PLEKHG5: variants seen among roughly 807,000 people sequenced by gnomAD.
PLEKHG5 encodes the protein pleckstrin homology domain-containing family G member 5.
Under a neutral mutation model 103.8 loss-of-function variants are expected in PLEKHG5, and 52 were observed. The ratio of observed to expected loss-of-function variants is 0.50; its 90% CI spans 0.40 to 0.63. The LOEUF (loss-of-function observed/expected upper bound fraction) is 0.63. Among genes scored for constraint, PLEKHG5 ranks in the 30% least tolerant of loss-of-function variants. PLEKHG5 has a pLI of 0.00. For missense variants in PLEKHG5, 1,205 were observed against 1,347.6 expected, an observed-to-expected ratio of 0.89 and a Z score of 1.66; for synonymous variants, 592 against 575.5, an observed-to-expected ratio of 1.03 and a Z score of -0.41.
chr1:6,474,777 G>A (rs947842262), intron 5 of PLEKHG5, 190 bp from the exon 6 acceptor site: 6 of 677,284 alleles, frequency 8.9e-6, no homozygotes, highest in East Asian at 2.7e-5. Context: ...TCACACAGGC[G>A]CATCTGCATA....
At chr1:6,469,284 C>T (rs1557737376) in intron 18 of PLEKHG5, 43 bp from the exon 19 acceptor site, 3 of 1,613,278 alleles carry the variant, frequency 1.9e-6, no homozygotes, top group Non-Finnish European at 2.5e-6. Context: ...TGGGTTGTGA[C>T]CAGCATCTCC....
chr1:6,482,700 T>G (rs981511763), intron 1 of PLEKHG5, among the ~76,000 whole-genome samples: 2 of 152,066 alleles, frequency 1.3e-5, no homozygotes, highest in Non-Finnish European at 2.9e-5. Context: ...TATTATTTAT[T>G]TATTTATGTA....
chr1:6,505,180 C>A lies in PLEKHG5; in HGVS notation c.-164-8611G>T, dbSNP rs956583344. Among the ~76,000 whole-genome samples, 5 of 152,120 alleles carry A rather than the reference C, an allele frequency of 3.3e-5. No homozygotes were observed. The highest frequency in any genetic ancestry group is 1.2e-4 in the African/African-American group (5 of 41,412). On this transcript the variant is annotated intron_variant, in intron 1 of 21. Coordinates refer to the PLEKHG5 transcript ENST00000377740. The surrounding 1 kb of genome is among the most constrained non-coding windows in gnomAD (Gnocchi z 4.2). Reference sequence around the variant, plus strand: ...CAGCGCTCCGGTAGCTTCTGCGGACCGGACTCAAGTTTCTGTCACTGCACC... The same window carrying A: ...CAGCGCTCCGGTAGCTTCTGCGGACAGGACTCAAGTTTCTGTCACTGCACC...
intron 1 of PLEKHG5, among the ~76,000 whole-genome samples, chr1:6,515,036 G>A (rs1233550537): frequency 2.0e-5 from 3 of 151,792 alleles, no homozygotes; most frequent in Non-Finnish European, 4.4e-5. Context: ...CCTGGCGAGA[G>A]AGCAAGACTC....
chr1:6,494,884 A>G (rs181665642), upstream of PLEKHG5, among the ~76,000 whole-genome samples: 70 of 152,298 alleles, frequency 4.6e-4, no homozygotes, highest in African/African-American at 1.5e-3. Flanking sequence ...GCTGATGCCA[A>G]TGTCAGCTGT....
intron 1 of PLEKHG5, among the ~76,000 whole-genome samples, chr1:6,512,473 G>A (rs549427357): frequency 6.6e-6 from 1 of 152,350 alleles, no homozygotes; most frequent in Non-Finnish European, 1.5e-5. Context: ...GGGGGGCAGG[G>A]AAGCCAGACA....
chr1:6,475,429 A>G (rs2148593891), intron 4 of PLEKHG5, 33 bp downstream of exon 4: 2 of 1,594,486 alleles, frequency 1.3e-6, no homozygotes, highest in Non-Finnish European at 1.7e-6. Context: ...GCTGTAGGGA[A>G]CCCGCATCTG....
intron 16 of PLEKHG5, among the ~76,000 whole-genome samples, chr1:6,469,943 G>A (rs532256145): frequency 1.2e-4 from 18 of 152,362 alleles, no homozygotes; most frequent in African/African-American, 3.6e-4. Context: ...CATGCCTGAA[G>A]GGGCCATGGC....
chr1:6,470,376 C>T (rs779805129), intron 15 of PLEKHG5, 21 bp from the exon 16 acceptor site: 7 of 1,613,790 alleles, frequency 4.3e-6, no homozygotes, highest in Admixed American at 3.3e-5. Flanking sequence ...ATGGCGTGAA[C>T]GTAGGGGAGG....
chr1:6,472,467 G>C, intron 10 of PLEKHG5, 60 bp downstream of exon 10: 1 of 1,187,796 alleles, frequency 8.4e-7, no homozygotes, highest in Non-Finnish European at 1.3e-6. Context: ...AGACTCAGCT[G>C]AGGGCTGTCA....
Position 6,470,852 on chromosome 1 carries a change from C to T in PLEKHG5, c.1425G>A (p.Leu475=), listed in dbSNP as rs1172279517. 1 of 1,575,918 alleles carries T rather than the reference C, an allele frequency of 6.3e-7. No homozygotes were observed. Among genetic ancestry groups the T allele is most frequent in the Non-Finnish European group, 8.6e-7 (1 of 1,160,678 alleles). ...GTTTGGCCAGCATGTCGCTCAGCTT[C>T]AGCCTCTGGCACTGTGGGTGCTTCT... The part of the protein sequence containing the change: ...WAEKHPQCQR[L]KLSDMLAKPH... The change falls in exon 14 of 21, where the codon CTG becomes CTA. Residue 475 remains leucine (L), a synonymous_variant. Coordinates refer to ENST00000377728, the MANE Select transcript of PLEKHG5 (RefSeq NM_020631.6).
intron 5 of PLEKHG5, 72 bp from the exon 6 acceptor site, chr1:6,474,659 C>T (rs892181887): frequency 2.4e-5 from 34 of 1,420,228 alleles, no homozygotes; most frequent in Non-Finnish European, 3.1e-5. Flanking sequence ...CCCGCCCCCA[C>T]GAGCCCCCGC....
chr1:6,507,738 T>C (rs1041661637), intron 1 of PLEKHG5, among the ~76,000 whole-genome samples: 1 of 152,164 alleles, frequency 6.6e-6, no homozygotes, highest in Non-Finnish European at 1.5e-5. Context: ...GCTTGAATAA[T>C]TCGAACCATA....
intron 5 of PLEKHG5, 38 bp downstream of exon 5, chr1:6,475,009 C>T: frequency 8.0e-7 from 1 of 1,246,482 alleles, no homozygotes; most frequent in Non-Finnish European, 1.2e-6. Context: ...ACCCCTACTC[C>T]CAGTCCCACT....
At chr1:6,512,751 C>A (rs757769369) in intron 1 of PLEKHG5, among the ~76,000 whole-genome samples, 34 of 152,246 alleles carry the variant, frequency 2.2e-4, no homozygotes, top group Non-Finnish European at 4.0e-4. Context: ...CACATTTACC[C>A]CCTCCAACAC....
intron 1 of PLEKHG5, among the ~76,000 whole-genome samples, chr1:6,502,321 A>T (rs190556046): frequency 6.6e-6 from 1 of 152,382 alleles, no homozygotes; most frequent in Admixed American, 6.5e-5. Flanking sequence ...AGGTCAGTGA[A>T]GTAGGGACCC....
intron 1 of PLEKHG5, among the ~76,000 whole-genome samples, chr1:6,504,139 G>A (rs928320881): frequency 3.3e-5 from 5 of 152,160 alleles, no homozygotes; most frequent in East Asian, 1.9e-4. Context: ...CTGTAGCACC[G>A]TACCTGCCTC....
rs1569860714 is a variant in PLEKHG5 at position 6,471,643 on chromosome 1, C to G, written c.1132-6G>C. ...AACAGGCGCTCCGCCTCCACCTGGG[C>G]GCGGCGGGAGGTGCGGTTGGCCACG... On this transcript the variant is annotated splice_region_variant and splice_polypyrimidine_tract_variant and intron_variant, in intron 11 of 20. Coordinates refer to ENST00000377728, the MANE Select transcript of PLEKHG5 (RefSeq NM_020631.6). 6 of 1,575,746 alleles carry G rather than the reference C, an allele frequency of 3.8e-6. No individual in the cohort carries two copies. Among genetic ancestry groups the G allele is most frequent in the Non-Finnish European group, 5.2e-6 (6 of 1,162,092 alleles).
intron 1 of PLEKHG5, among the ~76,000 whole-genome samples, chr1:6,489,834 G>A (rs1461386728): frequency 6.6e-6 from 1 of 152,158 alleles, no homozygotes; most frequent in Admixed American, 6.5e-5. Flanking sequence ...CCCGGACCCC[G>A]GCTAAAGGGC....
Sources: allele counts gnomAD v4.1 joint callset (sites outside exome capture counted in the v4.1 genomes callset), GRCh38; gene constraint gnomAD v4.1.1; non-coding constraint Gnocchi (gnomAD v3.1); transcripts MANE v1.5; gene names NCBI Gene and HGNC (gene_info 2026-07-23, HGNC 2026-07-21).